The following ABCA1 variants were observed in gnomAD, a reference collection of about 807,000 sequenced individuals.
The protein encoded by ABCA1 is phospholipid-transporting ATPase ABCA1.
Under a neutral mutation model 262.5 loss-of-function variants are expected in ABCA1, and 133 were observed. The observed-to-expected ratio is 0.51, with a 90% confidence interval of 0.44 to 0.59. The LOEUF (loss-of-function observed/expected upper bound fraction) is 0.59, where lower values mean the gene tolerates loss of function less well. Among genes scored for constraint, ABCA1 ranks in the 20% least tolerant of loss-of-function variants. ABCA1 has a pLI of 0.00. For synonymous variants in ABCA1, 1,022 were observed against 1,043.5 expected (o/e 0.98, Z 0.40); for missense variants, 2,452 against 2,777.5 (o/e 0.88, Z 2.63).
intron 8 of ABCA1, among the ~76,000 whole-genome samples, chr9:104,844,102 C>T (rs148714575): frequency 0.025 from 3,849 of 151,792 alleles, 136 homozygotes; most frequent in African/African-American, 0.087. Context: ...GAGGCAGCCT[C>T]CCCTGTTACA....
At chr9:104,848,996 A>G (rs1391282914) in intron 7 of ABCA1, among the ~76,000 whole-genome samples, 1 of 152,162 alleles carries the variant, frequency 6.6e-6, no homozygotes. Flanking sequence ...TGTCACCATT[A>G]CCGGTCATCT....
At chr9:104,884,612 T>A (rs758975184) in intron 3 of ABCA1, 44 bp from the exon 4 acceptor site, 1 of 1,610,928 alleles carries the variant, frequency 6.2e-7, no homozygotes, top group Non-Finnish European at 8.5e-7. Flanking sequence ...GAAACATTAA[T>A]TCCCTGAAGC....
rs770759852 is a variant in ABCA1, at chr9:104,793,383, T to C, written c.5507-83A>G. 2.3e-5 allele frequency: 37 copies of C among 1,576,614 alleles called. No homozygotes were observed. The Admixed American group carries it at 4.3e-4, about 18-fold the overall frequency. The stretch of plus-strand genomic sequence containing the variant: ...TCCTCAAATTTGGGCCTATGTTCCT[T>C]AAAATTCACCGATCTTCCAATAAAC... On this transcript the variant is annotated intron_variant, in intron 40 of 49. Coordinates refer to ENST00000374736, the MANE Select transcript of ABCA1 (RefSeq NM_005502.4).
chr9:104,799,684 C>A, intron 36 of ABCA1, 135 bp downstream of exon 36: 1 of 1,563,110 alleles, frequency 6.4e-7, no homozygotes, highest in Non-Finnish European at 8.7e-7. Flanking sequence ...TGCCCAGAGC[C>A]TGGATCAATC....
intron 27 of ABCA1, 116 bp from the exon 28 acceptor site, chr9:104,812,838 G>C (rs1831399018): frequency 1.5e-6 from 2 of 1,377,106 alleles, no homozygotes; most frequent in Admixed American, 1.7e-5. Flanking sequence ...GAAGCTAGAA[G>C]TTTCTCAGAA....
At chr9:104,882,028 T>TTAAAAAAAAAAAAAAAAAA (rs1838701856) in intron 5 of ABCA1, among the ~76,000 whole-genome samples, 1 of 73,748 alleles carries the variant, frequency 1.4e-5, no homozygotes, top group Non-Finnish European at 2.6e-5. Context: ...TCTGTAGCCT[T>TTAAAAAAAAAAAAAAAAAA]AAAAAAAAAA....
rs116596238 is a variant in ABCA1, at chr9:104,878,026, G to A, written c.421+5013C>T. On this transcript the variant is annotated intron_variant, in intron 5 of 49. Coordinates refer to ENST00000374736, the MANE Select transcript of ABCA1 (RefSeq NM_005502.4). ...GTTAAAATTAAAAGTTCTCATCCAC[G>A]TACTGCCTAAAATCATCCCAGATAC... Among the ~76,000 whole-genome samples, 1,151 of 152,126 alleles carry A rather than the reference G, an allele frequency of 7.6e-3. 17 individuals carry two copies. The highest frequency in any genetic ancestry group is 0.027 in the African/African-American group (1,101 of 41,476).
chr9:104,839,275 T>A (rs1834142607), intron 9 of ABCA1, among the ~76,000 whole-genome samples: 1 of 152,140 alleles, frequency 6.6e-6, no homozygotes, highest in Admixed American at 6.5e-5. Flanking sequence ...ATCAAATGTC[T>A]GAGTGTGAGA....
chr9:104,840,791 G>A (rs938149945), intron 8 of ABCA1, among the ~76,000 whole-genome samples: 5 of 152,182 alleles, frequency 3.3e-5, no homozygotes, highest in Non-Finnish European at 5.9e-5. Context: ...CCGACCTGCA[G>A]AATTCAAATC....
At chr9:104,847,460 CAAT>C (rs1321015578) in intron 7 of ABCA1, among the ~76,000 whole-genome samples, 2 of 152,256 alleles carry the variant, frequency 1.3e-5, no homozygotes, top group African/African-American at 4.8e-5. Flanking sequence ...CAATTGTCAA[CAAT>C]GTCATCCCCT....
intron 24 of ABCA1, among the ~76,000 whole-genome samples, chr9:104,816,962 G>A (rs1831830950): frequency 6.6e-6 from 1 of 152,042 alleles, no homozygotes; most frequent in African/African-American, 2.4e-5. Flanking sequence ...AATCTGGAAG[G>A]CTGTTCCTCA....
intron 13 of ABCA1, 120 bp from the exon 14 acceptor site, chr9:104,831,221 C>G (rs1588335228): frequency 2.7e-6 from 2 of 741,166 alleles, no homozygotes; most frequent in Non-Finnish European, 3.9e-6. Flanking sequence ...ATTTTTGTAT[C>G]TTTTTTTTTT....
chr9:104,910,148 C>T (rs551579431), intron 1 of ABCA1, among the ~76,000 whole-genome samples: 5 of 152,276 alleles, frequency 3.3e-5, no homozygotes, highest in Admixed American at 3.3e-4. Flanking sequence ...AGTCTCCAAG[C>T]AGGGATCATA....
At chr9:104,847,048 G>A (rs535908385) in intron 7 of ABCA1, among the ~76,000 whole-genome samples, 186 of 152,074 alleles carry the variant, frequency 1.2e-3, no homozygotes, top group South Asian at 2.5e-3. Flanking sequence ...TGTGTTTACC[G>A]TTAGGCCTAC....
rs1325368041 is a variant in ABCA1, at chr9:104,784,432, G to T, written c.6669C>A (p.Asp2223Glu). The T allele has an allele frequency of 6.2e-7, 1 of 1,613,982 alleles. No homozygotes were observed. Among genetic ancestry groups the T allele is most frequent in the East Asian group, 2.2e-5 (1 of 44,860 alleles). Residue 2223 changes from aspartate (D) to glutamate (E), a missense_variant, in exon 50 of 50, where the codon GAC (aspartate) becomes GAA (glutamate). By Grantham distance (45) the Asp-to-Glu change is conservative. This residue lies in a region of ABCA1 where 752 missense variants were observed against 944.5 expected (regional missense o/e 0.80). Coordinates refer to ENST00000374736, the MANE Select transcript of ABCA1 (RefSeq NM_005502.4). Reference sequence around the variant, plus strand: ...CTTTTAAGTGGTCATCATCACTTTGGTCCTTGGCAAAGTTCACAAATACCT... The same window carrying T: ...CTTTTAAGTGGTCATCATCACTTTGTTCCTTGGCAAAGTTCACAAATACCT... ...LDQVFVNFAK[D>E]QSDDDHLKDL...
At chr9:104,831,280 C>T (rs1346795565) in intron 13 of ABCA1, among the ~76,000 whole-genome samples, 179 bp from the exon 14 acceptor site, 2 of 149,076 alleles carry the variant, frequency 1.3e-5, no homozygotes, top group East Asian at 2.0e-4. Flanking sequence ...TGCAATGATG[C>T]GATCTTAGCT....
intron 41 of ABCA1, 86 bp downstream of exon 41, chr9:104,793,085 T>C (rs905327148): frequency 1.3e-6 from 2 of 1,597,606 alleles, no homozygotes; most frequent in African/African-American, 1.3e-5. Flanking sequence ...TTCAGTTCAA[T>C]GCAACCCCCA....
intron 30 of ABCA1, among the ~76,000 whole-genome samples, chr9:104,807,908 TTTC>T (rs1830930216): frequency 1.4e-5 from 2 of 145,932 alleles, no homozygotes; most frequent in South Asian, 4.5e-4. Flanking sequence ...TTTTTAACTA[TTTC>T]TTATTGTTTT....
At chr9:104,784,914 G>A (rs1828787964) in intron 49 of ABCA1, among the ~76,000 whole-genome samples, 1 of 152,138 alleles carries the variant, frequency 6.6e-6, no homozygotes, top group African/African-American at 2.4e-5. Flanking sequence ...AAAGTGCTGG[G>A]ATTACAGGCA....
Sources: gnomAD v4.1 joint callset for allele counts (sites outside exome capture counted in the v4.1 genomes callset) on GRCh38, gnomAD v4.1.1 for gene constraint, gnomAD v4.1.1 regional missense constraint, MANE v1.5 for transcripts, NCBI Gene and HGNC (gene_info 2026-07-23, HGNC 2026-07-21) for gene names.